Variants in HEATR4 observed in about 807,000 individuals in gnomAD.
HEATR4 encodes HEAT repeat containing 4.
HEATR4 carries 95 observed loss-of-function variants against 108.8 expected under a neutral mutation model. The observed-to-expected ratio is 0.87, with a 90% confidence interval of 0.74 to 1.04. The LOEUF (loss-of-function observed/expected upper bound fraction) is 1.04. HEATR4 is among the 50% of genes least tolerant of loss of function. The pLI is 0.00. For missense variants in HEATR4, 1,152 were observed against 1,253.8 expected, an observed-to-expected ratio of 0.92 and a Z score of 1.23; for synonymous variants, 443 against 459.4, an observed-to-expected ratio of 0.96 and a Z score of 0.46.
intron 2 of HEATR4, among the ~76,000 whole-genome samples, chr14:73,524,013 G>T (rs983790167): frequency 6.6e-6 from 1 of 151,940 alleles, no homozygotes; most frequent in African/African-American, 2.4e-5. Flanking sequence ...GCTGTAGGCC[G>T]GGCGCAGTGG....
At chr14:73,596,407 T>C in the HEATR4 span, 1 of 152,074 alleles carries the variant, frequency 6.6e-6, no homozygotes, top group Non-Finnish European at 1.5e-5. Context: ...GATGGGACGA[T>C]TGCTTGAGCC....
At chr14:73,551,840 A>G (rs4356409) in intron 1 of HEATR4, among the ~76,000 whole-genome samples, 36,009 of 107,418 alleles carry the variant, frequency 0.34, 13,788 homozygotes, top group Admixed American at 0.49. Context: ...CAAAATGGCT[A>G]TGTATGACCT....
At chr14:73,541,809 A>G (rs1216487213) in intron 1 of HEATR4, 1 of 702,410 alleles carries the variant, frequency 1.4e-6, no homozygotes, top group African/African-American at 1.9e-5. Flanking sequence ...CCCAACACAC[A>G]CTACCTTTTT....
intron 12 of HEATR4, 77 bp downstream of exon 12, chr14:73,500,473 A>C: frequency 7.0e-7 from 1 of 1,428,734 alleles, no homozygotes; most frequent in Non-Finnish European, 9.6e-7. Flanking sequence ...AATGTTGAGC[A>C]TACTGTGCAC....
chr14:73,487,721 A>T (rs189434799), intron 17 of HEATR4, among the ~76,000 whole-genome samples: 1 of 152,330 alleles, frequency 6.6e-6, no homozygotes, highest in Non-Finnish European at 1.5e-5. Context: ...CAAGAACATG[A>T]ATTACCAGCA....
At position 73,533,787 on chromosome 14, in the gene HEATR4, C is replaced by T. The variant is rs1406565246; in HGVS notation, c.-151-3543G>A. Among the ~76,000 whole-genome samples, 24 of 105,804 alleles carry T rather than the reference C, an allele frequency of 2.3e-4. 10 individuals are homozygous for T. In the Admixed American group the frequency reaches 2.5e-3, roughly 11 times the overall value. 69.4% of individuals were successfully genotyped at this position (105,804 alleles called of 152,430 possible). On this transcript the variant is annotated intron_variant, in intron 1 of 17. Coordinates refer to ENST00000553558, the MANE Select transcript of HEATR4 (RefSeq NM_001220484.1). ...AATGGGCTTGTTCCAGCAGCTCATG[C>T]GTGTAATTCTAGCGCTTTGAGAGGC...
chr14:73,479,419 T>TTTCTTTCTTTCTTTC (rs71112759), intron 17 of HEATR4, among the ~76,000 whole-genome samples: 14 of 105,160 alleles, frequency 1.3e-4, no homozygotes, highest in South Asian at 7.7e-4. Flanking sequence ...CGGCGTTTTT[T>TTTCTTTCTTTCTTTC]TTTCTTTCTT....
At position 73,512,134 on chromosome 14, in the gene HEATR4, T is replaced by C; in HGVS notation, c.1430A>G (p.His477Arg). 1 of 1,614,198 alleles carries C rather than the reference T, an allele frequency of 6.2e-7. No individual in the cohort carries two copies. The highest frequency in any genetic ancestry group is 8.5e-7 in the Non-Finnish European group (1 of 1,180,032). ...CTGAAGCAGGTTCTCTACTGTCTCA[T>C]GGTGCCACTCTATGACTGAGCCGCA... ...TAWALIIEWH[H>R]ETVENLLQSL... Residue 477 changes from histidine (H) to arginine (R), a missense_variant, in exon 7 of 18, where the codon CAT (histidine) becomes CGT (arginine). By Grantham distance (29) the His-to-Arg change is conservative. Coordinates refer to ENST00000553558, the MANE Select transcript of HEATR4 (RefSeq NM_001220484.1).
At chr14:73,486,421 G>A (rs1163115707) in intron 17 of HEATR4, among the ~76,000 whole-genome samples, 1 of 152,152 alleles carries the variant, frequency 6.6e-6, no homozygotes, top group Non-Finnish European at 1.5e-5. Context: ...TATGAGGCTG[G>A]GTGTGGTGGC....
chr14:73,570,004 G>T, the HEATR4 span: 1 of 1,404,954 alleles, frequency 7.1e-7, no homozygotes, highest in South Asian at 1.5e-5. Flanking sequence ...ATATTGCCCA[G>T]GCAGGTTTCG....
chr14:73,586,994 G>A, the HEATR4 span, among the ~76,000 whole-genome samples: 2 of 152,134 alleles, frequency 1.3e-5, no homozygotes, highest in South Asian at 4.1e-4. Context: ...TTCTGTTTTA[G>A]TTCCATACTG....
the HEATR4 span, among the ~76,000 whole-genome samples, chr14:73,576,251 C>T: frequency 6.6e-6 from 1 of 151,890 alleles, no homozygotes; most frequent in Non-Finnish European, 1.5e-5. Context: ...ATTTGAGTTC[C>T]TCCTTTAAGA....
At chr14:73,629,277 A>T in the HEATR4 span, among the ~76,000 whole-genome samples, 1 of 152,196 alleles carries the variant, frequency 6.6e-6, no homozygotes, top group Non-Finnish European at 1.5e-5. Flanking sequence ...AACTTAATAG[A>T]CTACAGTATA....
At chr14:73,481,608 G>A (rs945647274) in intron 17 of HEATR4, among the ~76,000 whole-genome samples, 4 of 151,758 alleles carry the variant, frequency 2.6e-5, no homozygotes, top group South Asian at 2.1e-4. Context: ...TTGGGAGGCC[G>A]ACGCGGGCGG....
rs779100448 is a variant in HEATR4, at chr14:73,514,083, T to C, written c.1362A>G (p.Glu454=). Residue 454 remains glutamate (E), a synonymous_variant, in exon 6 of 18, where the codon GAA becomes GAG. Transcript: ENST00000553558. ...AKSLQEDVTW[E]LVVLRRMLKE... Reference sequence around the variant, plus strand: ...TCAGCATCCTCCGCAGGACCACCAGTTCCCAGGTCACATCCTCCTGCAGTG... The same window carrying C: ...TCAGCATCCTCCGCAGGACCACCAGCTCCCAGGTCACATCCTCCTGCAGTG... 2 of 1,614,162 alleles carry C rather than the reference T, an allele frequency of 1.2e-6. No individual in the cohort carries two copies. Among genetic ancestry groups the C allele is most frequent in the South Asian group, 1.1e-5 (1 of 91,088 alleles).
At chr14:73,560,459 T>G (rs1368231315), upstream of HEATR4, among the ~76,000 whole-genome samples, 2 of 151,918 alleles carry the variant, frequency 1.3e-5, 1 homozygote, top group African/African-American at 4.8e-5. Context: ...TCAGGAGATT[T>G]AAACCATCCT....
the HEATR4 span, among the ~76,000 whole-genome samples, chr14:73,622,287 G>C: frequency 1.3e-5 from 2 of 152,150 alleles, no homozygotes; most frequent in Non-Finnish European, 2.9e-5. Flanking sequence ...ACTAGGGCAA[G>C]ACAGCCCTAG....
At chr14:73,563,281 G>A (rs930311713), upstream of HEATR4, among the ~76,000 whole-genome samples, 3 of 152,082 alleles carry the variant, frequency 2.0e-5, no homozygotes, top group African/African-American at 7.2e-5. Flanking sequence ...AATGGGTAAA[G>A]ACTTTCATTG....
chr14:73,521,410 G>A (rs533599310), intron 3 of HEATR4, among the ~76,000 whole-genome samples: 4 of 152,294 alleles, frequency 2.6e-5, no homozygotes, highest in African/African-American at 9.6e-5. Context: ...TCTATTCTGT[G>A]TGTGGTTATT....
Sources: gnomAD v4.1 joint callset for allele counts (sites outside exome capture counted in the v4.1 genomes callset) on GRCh38, gnomAD v4.1.1 for gene constraint, MANE v1.5 for transcripts, NCBI Gene and HGNC (gene_info 2026-07-23, HGNC 2026-07-21) for gene names.